The following FRMD4A variants were observed in gnomAD, a reference collection of about 807,000 sequenced individuals.
FRMD4A encodes FERM domain containing 4A.
In FRMD4A, 29 loss-of-function variants were observed where a neutral mutation model predicts 129.1. The observed-to-expected ratio is 0.22, with a 90% CI of 0.17 to 0.31. FRMD4A has a LOEUF of 0.31. FRMD4A is among the 10% of genes least tolerant of loss of function. The pLI, the probability that FRMD4A is intolerant of heterozygous loss-of-function variation, is 1.00. For missense variants in FRMD4A, 1,272 were observed against 1,375.8 expected (o/e 0.92, Z 1.19); for synonymous variants, 634 against 571.6 (o/e 1.11, Z -1.56).
At position 13,747,034 on chromosome 10, in the gene FRMD4A, G is replaced by C. The variant is rs75210909; in HGVS notation, c.548+702C>G. Among the ~76,000 whole-genome samples the C allele has an allele frequency of 8.1e-3, 1,237 of 152,194 alleles. 17 individuals carry two copies. The highest frequency in any genetic ancestry group is 0.028 in the African/African-American group (1,174 of 41,524). On this transcript the variant is annotated intron_variant, in intron 9 of 24. Transcript: ENST00000357447. ...TCTTCTGAAAGAAGAAAACCCTGTG[G>C]TTCTCCCACGTCTCAAAACCTCACA... is the stretch of plus-strand genomic sequence containing the variant.
chr10:14,191,082 T>C (rs1355632921), intron 2 of FRMD4A, among the ~76,000 whole-genome samples: 4 of 152,154 alleles, frequency 2.6e-5, no homozygotes, highest in African/African-American at 9.7e-5. Flanking sequence ...CAGTGAGAGG[T>C]TTCTTGTCTT....
intron 2 of FRMD4A, among the ~76,000 whole-genome samples, chr10:14,084,213 C>T (rs1836111275): frequency 6.6e-6 from 1 of 152,224 alleles, no homozygotes. Context: ...GTGGCATGAT[C>T]TTGGCTCACT....
In FRMD4A at chr10:13,663,793, ACCGAATATAAAGGCTG is replaced by A. The variant is rs576003227; in HGVS notation, c.1604-300_1604-285del. ...ATACTGCAATGCAGAGTGGCTTCATACCGAATATAAAGGCTGCCCCAGCCTGATTAAACCACATCAT... is the reference window on the plus strand; with the variant it reads ...ATACTGCAATGCAGAGTGGCTTCATACCCCAGCCTGATTAAACCACATCAT... On this transcript the variant is annotated intron_variant, in intron 18 of 24. Coordinates refer to ENST00000357447, the MANE Select transcript of FRMD4A (RefSeq NM_018027.5). 1.6e-4 allele frequency among the ~76,000 whole-genome samples: 25 copies of A among 152,256 alleles called. No homozygotes were observed. In the East Asian group the frequency reaches 4.6e-3, roughly 28 times the overall value.
intron 11 of FRMD4A, 111 bp from the exon 12 acceptor site, chr10:13,738,041 A>C: frequency 1.5e-6 from 1 of 686,544 alleles, no homozygotes; most frequent in Non-Finnish European, 2.6e-6. Context: ...ATTTCCTTGG[A>C]ATGGATGGAG....
Position 13,884,226 on chromosome 10 carries a change from A to ACT in FRMD4A, c.46-25315_46-25314insAG, listed in dbSNP as rs1564972001. On this transcript the variant is annotated intron_variant, in intron 2 of 24. Transcript: ENST00000357447. ...CACACACTCACACACACACACACAC[A>ACT]CACACACACACACACTCCCTAAAAG... 2.4e-3 allele frequency among the ~76,000 whole-genome samples: 358 copies of ACT among 149,570 alleles called. 4 individuals are homozygous for ACT. The highest frequency in any genetic ancestry group is 8.6e-3 in the African/African-American group (343 of 40,058).
intron 2 of FRMD4A, among the ~76,000 whole-genome samples, chr10:14,054,154 G>A (rs1022773264): frequency 6.6e-6 from 1 of 152,114 alleles, no homozygotes; most frequent in Non-Finnish European, 1.5e-5. Flanking sequence ...GACAGAGTGA[G>A]ACTCTGTCTC....
chr10:13,788,487 C>T (rs575978088), intron 5 of FRMD4A, among the ~76,000 whole-genome samples: 1 of 152,362 alleles, frequency 6.6e-6, no homozygotes, highest in Admixed American at 6.5e-5. Context: ...CTCCCAGGAA[C>T]TGAGTGACAA....
intron 2 of FRMD4A, among the ~76,000 whole-genome samples, chr10:14,273,879 T>A (rs1845249163): frequency 6.6e-6 from 1 of 152,194 alleles, no homozygotes; most frequent in South Asian, 2.1e-4. Flanking sequence ...GAGCACTTAC[T>A]AGTGCAGGGC....
intron 2 of FRMD4A, among the ~76,000 whole-genome samples, chr10:13,985,648 C>A (rs2095578437): frequency 6.6e-6 from 1 of 152,190 alleles, no homozygotes; most frequent in Admixed American, 6.5e-5. Context: ...CCCTGGCAGG[C>A]ACCAGTCTCC....
At chr10:14,197,191 A>G (rs1343316077) in intron 2 of FRMD4A, among the ~76,000 whole-genome samples, 6 of 152,278 alleles carry the variant, frequency 3.9e-5, no homozygotes, top group African/African-American at 1.4e-4. Context: ...TAACCTCACA[A>G]TAAGGGAACC....
Position 14,200,589 on chromosome 10 carries a change from G to A in FRMD4A, c.45+129469C>T, listed in dbSNP as rs1842607538. 1.3e-5 allele frequency among the ~76,000 whole-genome samples: 2 copies of A among 152,214 alleles called. 1 individual carries two copies. The highest frequency in any genetic ancestry group is 4.8e-5 in the African/African-American group (2 of 41,462). On this transcript the variant is annotated intron_variant, in intron 2 of 24. Coordinates refer to ENST00000357447, the MANE Select transcript of FRMD4A (RefSeq NM_018027.5). ...CAGGGATGTGGAGAAGAGACACTAA[G>A]GGAGAGAAGTTCAATGGGGATTTAT... is the stretch of plus-strand genomic sequence containing the variant.
chr10:13,686,802 C>A (rs142049095), intron 15 of FRMD4A, among the ~76,000 whole-genome samples: 2 of 152,152 alleles, frequency 1.3e-5, no homozygotes, highest in African/African-American at 2.4e-5. Flanking sequence ...GACTTCTAGT[C>A]GAGAAGCCAA....
intron 2 of FRMD4A, among the ~76,000 whole-genome samples, chr10:14,058,525 A>G (rs528199885): frequency 2.0e-5 from 3 of 152,326 alleles, no homozygotes; most frequent in Non-Finnish European, 2.9e-5. Flanking sequence ...TCCATTTTCC[A>G]TAGTGTGGTA....
At chr10:13,954,880 G>A (rs887640470) in intron 2 of FRMD4A, among the ~76,000 whole-genome samples, 9 of 152,102 alleles carry the variant, frequency 5.9e-5, no homozygotes, top group South Asian at 4.1e-4. Flanking sequence ...TTTAACTTGC[G>A]ATGCATTAGA....
intron 4 of FRMD4A, among the ~76,000 whole-genome samples, chr10:13,810,073 AAGACAG>A (rs1229267065): frequency 6.6e-6 from 1 of 151,416 alleles, no homozygotes; most frequent in Non-Finnish European, 1.5e-5. Context: ...GAAGATCTGG[AAGACAG>A]AGAGAGAGAG....
intron 2 of FRMD4A, among the ~76,000 whole-genome samples, chr10:14,246,271 C>A (rs1034004722): frequency 6.6e-6 from 1 of 152,060 alleles, no homozygotes; most frequent in Non-Finnish European, 1.5e-5. Flanking sequence ...TCAAGAAGAA[C>A]CTTTATATCA....
chr10:13,970,136 G>A (rs1007745214), intron 2 of FRMD4A, among the ~76,000 whole-genome samples: 2 of 152,042 alleles, frequency 1.3e-5, no homozygotes, highest in Admixed American at 6.5e-5. Flanking sequence ...TGAACTTTTC[G>A]GATGCTGGTC....
At chr10:14,023,118 G>T (rs1832834873) in intron 2 of FRMD4A, among the ~76,000 whole-genome samples, 1 of 151,982 alleles carries the variant, frequency 6.6e-6, no homozygotes, top group African/African-American at 2.4e-5. Flanking sequence ...TTCTCATAAA[G>T]TCATGACCCT....
At position 13,845,352 on chromosome 10, in the gene FRMD4A, G is replaced by T. The variant is rs180751265; in HGVS notation, c.111+13495C>A. Among the ~76,000 whole-genome samples, 87 of 152,322 alleles carry T rather than the reference G, an allele frequency of 5.7e-4. 1 individual carries two copies. Among genetic ancestry groups the T allele is most frequent in the African/African-American group, 2.0e-3 (84 of 41,566 alleles). On this transcript the variant is annotated intron_variant, in intron 3 of 24. Coordinates refer to ENST00000357447, the MANE Select transcript of FRMD4A (RefSeq NM_018027.5). ...GGATGATGTGTTGGAGATCTGGAAGGTTGGGCAGTTAAGACATTTTTTGAT... is the reference window on the plus strand; with the variant it reads ...GGATGATGTGTTGGAGATCTGGAAGTTTGGGCAGTTAAGACATTTTTTGAT...
Sources: allele counts gnomAD v4.1 joint callset (sites outside exome capture counted in the v4.1 genomes callset), GRCh38; gene constraint gnomAD v4.1.1; transcripts MANE v1.5; gene names NCBI Gene and HGNC (gene_info 2026-07-23, HGNC 2026-07-21).